The following PCDHA6 variants were observed in gnomAD, a reference collection of about 807,000 sequenced individuals.
PCDHA6 encodes the protein protocadherin alpha 6, also known as protocadherin alpha-6.
PCDHA6 carries 55 observed loss-of-function variants against 60.3 expected under a neutral mutation model. The observed-to-expected ratio is 0.91, with a 90% CI of 0.73 to 1.14. PCDHA6 has a LOEUF of 1.14. PCDHA6 is among the 50% of genes most tolerant of loss of function. PCDHA6 has a pLI of 0.00. For missense variants in PCDHA6, 1,327 were observed against 1,256.5 expected, an observed-to-expected ratio of 1.06 and a Z score of -0.85; for synonymous variants, 652 against 557.9, an observed-to-expected ratio of 1.17 and a Z score of -2.38.
Position 141,009,783 on chromosome 5 carries a change from G to C in PCDHA6, c.2699G>C (p.Arg900Pro). The part of the protein sequence containing the change: ...IPGSPAIISI[R>P]QEPTNSQIDK... The stretch of plus-strand genomic sequence containing the variant: ...GGATCTCCTGCAATCATCTCCATCC[G>C]GCAGGAGCCTACTAACAGCCAAATT... Residue 900 changes from arginine (R) to proline (P), a missense_variant, in exon 4 of 4, where the codon CGG (arginine) becomes CCG (proline). Arg to Pro is a moderately radical substitution (Grantham distance 103). Coordinates refer to ENST00000529310, the MANE Select transcript of PCDHA6 (RefSeq NM_018909.4). 2 of 1,614,000 alleles carry C rather than the reference G, an allele frequency of 1.2e-6. No homozygotes were observed. The highest frequency in any genetic ancestry group is 1.7e-6 in the Non-Finnish European group (2 of 1,180,008).
In PCDHA6 at chr5:140,828,877, C is replaced by T. The variant is rs2150160055; in HGVS notation, c.786C>T (p.Ile262=). 121 of 1,614,072 alleles carry T rather than the reference C, an allele frequency of 7.5e-5. 1 individual carries two copies. In the South Asian group the frequency reaches 1.2e-3, roughly 15 times the overall value. The change falls in exon 1 of 4, where the codon ATC becomes ATT. Residue 262 remains isoleucine (I), a synonymous_variant. Coordinates refer to ENST00000529310, the MANE Select transcript of PCDHA6 (RefSeq NM_018909.4). ...FENADNGTTV[I]RLNASDRDEG... is the part of the protein sequence containing the mutation. ...ATGCAGACAACGGAACAACAGTTAT[C>T]AGACTGAATGCTTCTGATCGGGATG...
intron 3 of PCDHA6, 116 bp from the exon 4 acceptor site, chr5:141,009,511 G>A (rs2098410295): frequency 2.7e-5 from 41 of 1,498,054 alleles, no homozygotes; most frequent in Admixed American, 9.3e-5. Context: ...CAAACAACTC[G>A]TGATTTTTCT....
At chr5:140,874,134 C>T (rs2054725501) in intron 1 of PCDHA6, among the ~76,000 whole-genome samples, 1 of 152,122 alleles carries the variant, frequency 6.6e-6, no homozygotes, top group African/African-American at 2.4e-5. Flanking sequence ...TTTAAGTTAT[C>T]TTATACTTGT....
chr5:140,875,125 A>T (rs1158150211), intron 1 of PCDHA6, among the ~76,000 whole-genome samples: 2 of 152,240 alleles, frequency 1.3e-5, no homozygotes, highest in Non-Finnish European at 2.9e-5. Flanking sequence ...TATATTAACT[A>T]AACCCGCATT....
chr5:140,941,421 A>T (rs1399072425), intron 1 of PCDHA6, among the ~76,000 whole-genome samples: 1 of 149,518 alleles, frequency 6.7e-6, no homozygotes, highest in Non-Finnish European at 1.5e-5. Flanking sequence ...GGTTCAAGCA[A>T]TTCTCTGCCT....
intron 1 of PCDHA6, chr5:140,966,557 G>T: frequency 2.1e-6 from 1 of 477,538 alleles, no homozygotes; most frequent in Non-Finnish European, 3.5e-6. Context: ...GAGCGGAGGA[G>T]CTGGAATATG....
In PCDHA6 at chr5:140,871,640, A is replaced by T; in HGVS notation, c.2394+41155A>T. 6 of 1,294,228 alleles carry T rather than the reference A, an allele frequency of 4.6e-6. No homozygotes were observed. The South Asian group carries it at 9.7e-5, about 21-fold the overall frequency. 80.2% of individuals were successfully genotyped at this position (1,294,228 alleles called of 1,614,324 possible). A position where few individuals can be genotyped will look rare whatever the true frequency, so the allele number is the denominator to read the frequency against. On this transcript the variant is annotated intron_variant, in intron 1 of 3. Transcript: ENST00000529310. The stretch of plus-strand genomic sequence containing the variant: ...TTAGATAACAATGTCTGTTCATAAA[A>T]TACCAAATGATACACATCTTCAGTC...
chr5:140,846,373 C>CTTTTT (rs374699051), intron 1 of PCDHA6, among the ~76,000 whole-genome samples: 38 of 55,142 alleles, frequency 6.9e-4, no homozygotes, highest in East Asian at 1.7e-3. Context: ...TTCTTTCTTT[C>CTTTTT]TTTTTTTTTT....
intron 1 of PCDHA6, chr5:140,876,084 A>G: frequency 6.2e-7 from 1 of 1,613,962 alleles, no homozygotes; most frequent in Non-Finnish European, 8.5e-7. Context: ...ACAGAGAGCA[A>G]ACGCCAAAAC....
At chr5:140,950,746 T>C (rs2094515579) in intron 1 of PCDHA6, among the ~76,000 whole-genome samples, 1 of 152,138 alleles carries the variant, frequency 6.6e-6, no homozygotes, top group Non-Finnish European at 1.5e-5. Context: ...AATTTCTCTC[T>C]ATCCTTTCTG....
In PCDHA6 at chr5:141,009,945, A is replaced by C. The variant is rs2098415489; in HGVS notation, c.*8A>C. 5.0e-6 allele frequency: 8 copies of C among 1,596,112 alleles called. No homozygotes were observed. The highest frequency in any genetic ancestry group is 6.8e-6 in the Non-Finnish European group (8 of 1,173,736). On this transcript the variant is annotated 3_prime_UTR_variant, in exon 4 of 4. Coordinates refer to ENST00000529310, the MANE Select transcript of PCDHA6 (RefSeq NM_018909.4). ...GACAACAGTGACCAGTGAGGTCCTCAAATGGAAACAAGCCACTTAGCCAGT... is the reference window on the plus strand; with the variant it reads ...GACAACAGTGACCAGTGAGGTCCTCCAATGGAAACAAGCCACTTAGCCAGT...
In PCDHA6 at chr5:140,985,839, A is replaced by G. The variant is rs570244448; in HGVS notation, c.2542+3276A>G. On this transcript the variant is annotated intron_variant, in intron 3 of 3. Coordinates refer to ENST00000529310, the MANE Select transcript of PCDHA6 (RefSeq NM_018909.4). ...ACAACAAGCTCTGCCTCCCGGGTTC[A>G]TGCCACTCTCCTGCCTCAGCCTCCT... Among the ~76,000 whole-genome samples the G allele has an allele frequency of 6.2e-5, 9 of 144,378 alleles. No homozygotes were observed. The East Asian group carries it at 1.9e-3, about 30-fold the overall frequency. 94.7% of individuals were successfully genotyped at this position (144,378 alleles called of 152,430 possible). A position where few individuals can be genotyped will look rare whatever the true frequency, so the allele number is the denominator to read the frequency against.
At chr5:140,993,462 T>TCACACACA (rs3836747) in intron 3 of PCDHA6, among the ~76,000 whole-genome samples, 2,160 of 141,010 alleles carry the variant, frequency 0.015, 29 homozygotes, top group Admixed American at 0.024. Flanking sequence ...TCTTTCTTTC[T>TCACACACA]CACACACACA....
At chr5:140,989,140 C>A (rs2153881117) in intron 3 of PCDHA6, among the ~76,000 whole-genome samples, 1 of 152,290 alleles carries the variant, frequency 6.6e-6, no homozygotes, top group East Asian at 1.9e-4. Context: ...CACTTTATCC[C>A]TTCTTTTGTT....
At chr5:140,935,850 G>A (rs2090589549) in intron 1 of PCDHA6, among the ~76,000 whole-genome samples, 1 of 149,422 alleles carries the variant, frequency 6.7e-6, no homozygotes, top group South Asian at 2.1e-4. Context: ...GCTTAATGGT[G>A]TCTTTTGATT....
intron 1 of PCDHA6, among the ~76,000 whole-genome samples, chr5:140,896,714 T>C (rs1554187081): frequency 6.6e-6 from 1 of 152,180 alleles, no homozygotes; most frequent in African/African-American, 2.4e-5. Flanking sequence ...TGTTTTTTGC[T>C]TGTTAATTTG....
intron 1 of PCDHA6, chr5:140,852,607 C>A: frequency 1.1e-6 from 1 of 915,386 alleles, no homozygotes; most frequent in Non-Finnish European, 1.3e-6. Context: ...CATTTTCTTT[C>A]AAAACTTGAG....
At chr5:140,995,214 C>T (rs1193715389) in intron 3 of PCDHA6, among the ~76,000 whole-genome samples, 2 of 152,136 alleles carry the variant, frequency 1.3e-5, no homozygotes, top group Admixed American at 6.6e-5. Flanking sequence ...AGGCACAATA[C>T]TCTTGTGCTT....
rs1554262487 is a variant in PCDHA6, at chr5:141,009,847, G to T, written c.2763G>T (p.Glu921Asp). ...TCATAACCTTCGGCAAAAAGGAGGA[G>T]ACCAAGAAAAAGAAGAAAAAGAAGA... ...SDFITFGKKE[E>D]TKKKKKKKKG... Residue 921 changes from glutamate (E) to aspartate (D), a missense_variant, in exon 4 of 4, where the codon GAG (glutamate) becomes GAT (aspartate). Glu to Asp is a conservative substitution (Grantham distance 45). Coordinates refer to ENST00000529310, the MANE Select transcript of PCDHA6 (RefSeq NM_018909.4). 1 of 1,613,870 alleles carries T rather than the reference G, an allele frequency of 6.2e-7. No homozygotes were observed. Among genetic ancestry groups the T allele is most frequent in the Non-Finnish European group, 8.5e-7 (1 of 1,180,010 alleles).
Sources: allele counts gnomAD v4.1 joint callset (sites outside exome capture counted in the v4.1 genomes callset), GRCh38; gene constraint gnomAD v4.1.1; transcripts MANE v1.5; gene names NCBI Gene and HGNC (gene_info 2026-07-23, HGNC 2026-07-21).